Variants in NINL observed in about 807,000 individuals in gnomAD.
NINL encodes ninein like, also known as ninein-like protein.
A neutral mutation model predicts 160.3 loss-of-function variants in NINL; 153 were observed. The observed-to-expected ratio is 0.95, with a 90% CI of 0.84 to 1.09. The LOEUF (loss-of-function observed/expected upper bound fraction) is 1.09. Among genes scored for constraint, NINL ranks in the 50% least tolerant of loss-of-function variants. NINL has a pLI of 0.00. For synonymous variants in NINL, 800 were observed against 734.8 expected (o/e 1.09, Z -1.43); for missense variants, 1,829 against 1,764.0 (o/e 1.04, Z -0.66).
chr20:25,564,805 T>A (rs200758787), intron 1 of NINL, among the ~76,000 whole-genome samples: 13 of 142,762 alleles, frequency 9.1e-5, no homozygotes, highest in Admixed American at 1.4e-4. Context: ...TCCCCACAAT[T>A]AAAAAAAAAA....
chr20:25,505,107 C>A, intron 5 of NINL, 29 bp from the exon 6 acceptor site: 1 of 1,531,084 alleles, frequency 6.5e-7, no homozygotes, highest in South Asian at 1.3e-5. Context: ...CACAGTTACA[C>A]CCTGATACAT....
intron 1 of NINL, among the ~76,000 whole-genome samples, chr20:25,531,145 T>C (rs541042615): frequency 5.8e-4 from 89 of 152,278 alleles, no homozygotes; most frequent in African/African-American, 1.9e-3. Flanking sequence ...ATTTCTCCCA[T>C]TTGCTTTTGA....
intron 1 of NINL, among the ~76,000 whole-genome samples, chr20:25,538,664 T>C (rs975078845): frequency 2.6e-5 from 4 of 152,092 alleles, no homozygotes; most frequent in Non-Finnish European, 5.9e-5. Context: ...AGCAAAGGGC[T>C]GGCGAGCACA....
intron 18 of NINL, among the ~76,000 whole-genome samples, chr20:25,468,583 CACTGGTCTGTG>C (rs1568850920): frequency 9.7e-4 from 131 of 135,662 alleles, no homozygotes; most frequent in African/African-American, 3.3e-3. Context: ...TGTCCCCTGT[CACTGGTCTGTG>C]CCCCTCTGTC....
intron 1 of NINL, among the ~76,000 whole-genome samples, chr20:25,575,699 C>G: frequency 6.6e-6 from 1 of 151,224 alleles, no homozygotes; most frequent in East Asian, 2.0e-4. Context: ...TGCAGTGAGC[C>G]GAGATCGCGC....
At chr20:25,578,833 A>G (rs2065144358) in intron 1 of NINL, among the ~76,000 whole-genome samples, 1 of 150,594 alleles carries the variant, frequency 6.6e-6, no homozygotes, top group Non-Finnish European at 1.5e-5. Flanking sequence ...CAAGCAGTAA[A>G]GCTCAAGCAA....
Position 25,538,286 on chromosome 20 carries a change from GC to G in NINL, c.-11-11689del, listed in dbSNP as rs751176112. ...AAGCAGGGGCTGAGAGGGGTGGGCTGCCCCACCTCTGCTGTGGCCTGTGGTC... is the reference window on the plus strand; with the variant it reads ...AAGCAGGGGCTGAGAGGGGTGGGCTGCCCACCTCTGCTGTGGCCTGTGGTC... On this transcript the variant is annotated intron_variant, in intron 1 of 23. Transcript: ENST00000278886. Among the ~76,000 whole-genome samples, 230 of 152,338 alleles carry G rather than the reference GC, an allele frequency of 1.5e-3. 1 individual carries two copies. The highest frequency in any genetic ancestry group is 3.0e-3 in the Non-Finnish European group (205 of 68,014).
chr20:25,540,281 T>C (rs2064640710), intron 1 of NINL, among the ~76,000 whole-genome samples: 1 of 152,164 alleles, frequency 6.6e-6, no homozygotes, highest in Non-Finnish European at 1.5e-5. Flanking sequence ...GATACAAACA[T>C]AAACTTTGCC....
chr20:25,515,289 G>C (rs1035197047), intron 3 of NINL, among the ~76,000 whole-genome samples: 1 of 152,248 alleles, frequency 6.6e-6, no homozygotes, highest in Non-Finnish European at 1.5e-5. Flanking sequence ...CTGCCCTGCT[G>C]GGTTTCAGAC....
intron 1 of NINL, among the ~76,000 whole-genome samples, chr20:25,540,662 G>C (rs1473833504): frequency 6.6e-6 from 1 of 152,140 alleles, no homozygotes; most frequent in Non-Finnish European, 1.5e-5. Flanking sequence ...GCAGCCCTTT[G>C]AGGGTGTTCC....
At chr20:25,575,928 C>T (rs2065110293) in intron 1 of NINL, among the ~76,000 whole-genome samples, 1 of 152,160 alleles carries the variant, frequency 6.6e-6, no homozygotes, top group South Asian at 2.1e-4. Context: ...CCCTGCTCCT[C>T]TCCTTCTCCA....
chr20:25,465,617 A>G (rs757934396), intron 19 of NINL, among the ~76,000 whole-genome samples: 5 of 151,938 alleles, frequency 3.3e-5, no homozygotes, highest in Non-Finnish European at 7.4e-5. Flanking sequence ...GGTCACCCCA[A>G]CTGTCCAGCC....
At position 25,475,677 on chromosome 20, in the gene NINL, T is replaced by C. The variant is rs182495348; in HGVS notation, c.3248+366A>G. On this transcript the variant is annotated intron_variant, in intron 17 of 23. Transcript: ENST00000278886. ...ACCTTTGAGGACAGCCTGGCTAACA[T>C]GGTGAAACCCCGTCTCTACTAAAAA... 3.9e-5 allele frequency among the ~76,000 whole-genome samples: 6 copies of C among 152,260 alleles called. No homozygotes were observed. The East Asian group carries it at 5.8e-4, about 15-fold the overall frequency.
At chr20:25,576,244 G>A (rs577348854) in intron 1 of NINL, among the ~76,000 whole-genome samples, 5 of 152,234 alleles carry the variant, frequency 3.3e-5, no homozygotes, top group African/African-American at 9.6e-5. Context: ...CAGGCAGGGC[G>A]TTATGTAGAA....
chr20:25,531,870 C>T (rs1309701540), intron 1 of NINL, among the ~76,000 whole-genome samples: 1 of 152,134 alleles, frequency 6.6e-6, no homozygotes, highest in Admixed American at 6.5e-5. Context: ...CCTAAGCCAG[C>T]TGGGGGTGCC....
chr20:25,510,600 CA>C, intron 5 of NINL, 73 bp downstream of exon 5: 2 of 1,323,974 alleles, frequency 1.5e-6, no homozygotes, highest in African/African-American at 1.4e-5. Context: ...GCACACTGCC[CA>C]ATGACCCGGC....
At chr20:25,516,032 C>A (rs1056437994) in intron 3 of NINL, among the ~76,000 whole-genome samples, 2 of 152,140 alleles carry the variant, frequency 1.3e-5, no homozygotes, top group African/African-American at 2.4e-5. Flanking sequence ...CCTCAGCCTC[C>A]CAAAGTGCTG....
At chr20:25,562,107 C>G (rs1223695664) in intron 1 of NINL, among the ~76,000 whole-genome samples, 3 of 148,796 alleles carry the variant, frequency 2.0e-5, no homozygotes, top group Non-Finnish European at 4.5e-5. Flanking sequence ...CCAGCCGCCC[C>G]GTCCGGGAGG....
chr20:25,564,840 T>G (rs2064982991), intron 1 of NINL, among the ~76,000 whole-genome samples: 1 of 151,238 alleles, frequency 6.6e-6, no homozygotes, highest in South Asian at 2.1e-4. Context: ...ATAAAACTTC[T>G]TATATCCATC....
Sources: allele counts gnomAD v4.1 joint callset (sites outside exome capture counted in the v4.1 genomes callset), GRCh38; gene constraint gnomAD v4.1.1; transcripts MANE v1.5; gene names NCBI Gene and HGNC (gene_info 2026-07-23, HGNC 2026-07-21).